AGBL4: variants seen among roughly 807,000 people sequenced by gnomAD.
AGBL4 encodes cytosolic carboxypeptidase 6.
Under a neutral mutation model 66.4 loss-of-function variants are expected in AGBL4, and 58 were observed. The observed-to-expected ratio is 0.87, with a 90% CI of 0.71 to 1.09. The LOEUF is 1.09. Among genes scored for constraint, AGBL4 ranks in the 50% least tolerant of loss-of-function variants. The pLI is 0.00. For missense variants in AGBL4, 579 were observed against 631.0 expected, an observed-to-expected ratio of 0.92 and a Z score of 0.88; for synonymous variants, 234 against 222.9, an observed-to-expected ratio of 1.05 and a Z score of -0.44.
chr1:48,531,742 C>T (rs1032082378), downstream of AGBL4, among the ~76,000 whole-genome samples: 28 of 144,732 alleles, frequency 1.9e-4, no homozygotes, highest in African/African-American at 7.2e-4. Flanking sequence ...CTTTCCTATT[C>T]CCACTCCCTC....
At chr1:49,376,648 GGTATGATATAT>G (rs1644478056) in intron 3 of AGBL4, among the ~76,000 whole-genome samples, 1 of 151,808 alleles carries the variant, frequency 6.6e-6, no homozygotes, top group Admixed American at 6.6e-5. Flanking sequence ...TTACTTTTTT[GGTATGATATAT>G]GTCTTCTGTT....
At chr1:48,823,450 C>T (rs1478303821) in intron 6 of AGBL4, among the ~76,000 whole-genome samples, 1 of 152,208 alleles carries the variant, frequency 6.6e-6, no homozygotes, top group East Asian at 1.9e-4. Context: ...TTTAAAGGTG[C>T]AAGTCCTTAC....
intron 6 of AGBL4, among the ~76,000 whole-genome samples, chr1:48,746,151 G>A (rs535016162): frequency 5.3e-5 from 8 of 152,274 alleles, no homozygotes; most frequent in African/African-American, 1.9e-4. Flanking sequence ...TGGCAAGACT[G>A]AGGATTAAAT....
At chr1:48,709,190 A>T (rs190563676) in intron 6 of AGBL4, among the ~76,000 whole-genome samples, 20 of 152,142 alleles carry the variant, frequency 1.3e-4, no homozygotes, top group Non-Finnish European at 2.2e-4. Flanking sequence ...CTGCCACTTC[A>T]CCTCCGCCTT....
chr1:48,610,299 A>G (rs320018), intron 9 of AGBL4, among the ~76,000 whole-genome samples: 37,786 of 151,856 alleles, frequency 0.25, 4,920 homozygotes, highest in South Asian at 0.34. Flanking sequence ...CTAACACATG[A>G]CCGGGGCTTG....
At chr1:49,535,480 A>G (rs1448284449) in intron 3 of AGBL4, among the ~76,000 whole-genome samples, 1 of 151,132 alleles carries the variant, frequency 6.6e-6, no homozygotes, top group Non-Finnish European at 1.5e-5. Flanking sequence ...TCTGACTACA[A>G]TACCAAACCA....
intron 1 of AGBL4, among the ~76,000 whole-genome samples, chr1:49,896,608 A>AACACACACAC (rs58132063): frequency 7.5e-6 from 1 of 133,726 alleles, no homozygotes; most frequent in Non-Finnish European, 1.6e-5. Context: ...GACCCATGAA[A>AACACACACAC]ACACACACAC....
chr1:48,776,727 C>T (rs1394952295), intron 6 of AGBL4: 7 of 1,528,500 alleles, frequency 4.6e-6, no homozygotes, highest in Non-Finnish European at 6.1e-6. Context: ...CGTACACCTT[C>T]TGGTTGTCAA....
chr1:48,866,153 T>C (rs1457976958), intron 6 of AGBL4, among the ~76,000 whole-genome samples: 1 of 152,170 alleles, frequency 6.6e-6, no homozygotes, highest in Non-Finnish European at 1.5e-5. Context: ...GACCAGATAA[T>C]TGCTAGGATA....
chr1:49,078,235 G>A (rs1644746414), intron 4 of AGBL4, among the ~76,000 whole-genome samples: 1 of 152,142 alleles, frequency 6.6e-6, no homozygotes, highest in Non-Finnish European at 1.5e-5. Context: ...CTCCTGAAAG[G>A]CCTAGAATAT....
intron 1 of AGBL4, among the ~76,000 whole-genome samples, chr1:49,961,943 TCTC>T (rs746299669): frequency 4.6e-5 from 7 of 152,158 alleles, no homozygotes; most frequent in Non-Finnish European, 7.4e-5. Context: ...ATAACTTTCT[TCTC>T]ATTCTCTAGA....
intron 6 of AGBL4, among the ~76,000 whole-genome samples, chr1:48,748,980 A>G (rs1367186595): frequency 6.6e-6 from 1 of 151,936 alleles, no homozygotes; most frequent in African/African-American, 2.4e-5. Flanking sequence ...GTGGGGCCAT[A>G]CCCTCGGGGA....
chr1:49,680,867 C>T (rs1390795334), intron 3 of AGBL4, among the ~76,000 whole-genome samples: 4 of 151,540 alleles, frequency 2.6e-5, no homozygotes, highest in Non-Finnish European at 5.9e-5. Flanking sequence ...CTGTTGAATT[C>T]CCTGATGTTC....
At chr1:49,753,425 TG>T (rs1378225957) in intron 2 of AGBL4, among the ~76,000 whole-genome samples, 1 of 152,240 alleles carries the variant, frequency 6.6e-6, no homozygotes, top group Non-Finnish European at 1.5e-5. Flanking sequence ...ACAGGGTTTC[TG>T]CAGAGGATCC....
intron 1 of AGBL4, among the ~76,000 whole-genome samples, chr1:49,882,700 G>A (rs886521230): frequency 6.6e-6 from 1 of 152,064 alleles, no homozygotes; most frequent in African/African-American, 2.4e-5. Flanking sequence ...GTCTGTTATT[G>A]GTGTATAGGA....
At chr1:48,574,537 CTT>C (rs780333770) in intron 11 of AGBL4, among the ~76,000 whole-genome samples, 22 of 123,938 alleles carry the variant, frequency 1.8e-4, no homozygotes, top group Admixed American at 2.5e-4. Flanking sequence ...CTTTTCTTTT[CTT>C]TTTTTTTTTT....
chr1:48,617,551 C>T lies in AGBL4; in HGVS notation c.951+16942G>A, dbSNP rs534902599. 6.6e-4 allele frequency among the ~76,000 whole-genome samples: 100 copies of T among 152,234 alleles called. No individual in the cohort carries two copies. In the Middle Eastern group the frequency reaches 0.014, roughly 21 times the overall value. ...AGGGACTCTCTAAACTATGCAGACC[C>T]GCCTCCTTCCTGCTATTCTCTTCCT... On this transcript the variant is annotated intron_variant, in intron 9 of 13. Transcript: ENST00000371839.
chr1:48,914,066 G>A (rs920146677), intron 5 of AGBL4, among the ~76,000 whole-genome samples: 3 of 152,256 alleles, frequency 2.0e-5, no homozygotes, highest in Non-Finnish European at 2.9e-5. Flanking sequence ...ACAGATTTGA[G>A]TGTCTGCTGC....
intron 3 of AGBL4, among the ~76,000 whole-genome samples, chr1:49,395,747 G>GTATA (rs764822209): frequency 1.3e-4 from 17 of 127,900 alleles, no homozygotes; most frequent in East Asian, 4.5e-4. Context: ...ATATATATAT[G>GTATA]TATATATATA....
Sources: allele counts gnomAD v4.1 joint callset (sites outside exome capture counted in the v4.1 genomes callset), GRCh38; gene constraint gnomAD v4.1.1; transcripts MANE v1.5; gene names NCBI Gene and HGNC (gene_info 2026-07-23, HGNC 2026-07-21).